Variants in NEGR1 observed in about 807,000 individuals in gnomAD.
NEGR1 encodes the protein neuronal growth regulator 1.
In NEGR1, 10 loss-of-function variants were observed where a neutral mutation model predicts 40.9. That is an observed-to-expected ratio of 0.24 (90% CI 0.15 to 0.42). The LOEUF is 0.42. NEGR1 is among the 10% of genes least tolerant of loss of function. NEGR1 has a pLI of 1.00. For synonymous variants in NEGR1, 185 were observed against 166.8 expected (o/e 1.11, Z -0.84); for missense variants, 352 against 438.9 (o/e 0.80, Z 1.77).
intron 4 of NEGR1, among the ~76,000 whole-genome samples, chr1:71,668,649 T>C (rs1299638898): frequency 6.6e-6 from 1 of 152,114 alleles, no homozygotes; most frequent in Non-Finnish European, 1.5e-5. Flanking sequence ...GTGCATCCTT[T>C]ACCTAGAGCC....
intron 1 of NEGR1, among the ~76,000 whole-genome samples, chr1:72,040,011 G>A (rs747286314): frequency 2.0e-5 from 3 of 152,014 alleles, no homozygotes; most frequent in East Asian, 1.9e-4. Context: ...TAAAAAATAC[G>A]TGTCTAATGT....
At chr1:71,520,512 C>T (rs1647148715) in intron 6 of NEGR1, among the ~76,000 whole-genome samples, 1 of 152,040 alleles carries the variant, frequency 6.6e-6, no homozygotes, top group Non-Finnish European at 1.5e-5. Flanking sequence ...TTCCCACTGG[C>T]AGGTTATGGA....
At chr1:72,153,401 T>C (rs916096026) in intron 1 of NEGR1, among the ~76,000 whole-genome samples, 2 of 152,070 alleles carry the variant, frequency 1.3e-5, no homozygotes, top group African/African-American at 4.8e-5. Context: ...GTTTCCAAAC[T>C]GTATCATGAT....
chr1:72,027,301 C>T (rs1436716444), intron 1 of NEGR1, among the ~76,000 whole-genome samples: 1 of 152,032 alleles, frequency 6.6e-6, no homozygotes. Context: ...TGTTTGGTCT[C>T]CCTCACTTGC....
At chr1:72,108,167 C>T (rs938989202) in intron 1 of NEGR1, among the ~76,000 whole-genome samples, 2 of 151,646 alleles carry the variant, frequency 1.3e-5, no homozygotes, top group South Asian at 2.1e-4. Flanking sequence ...TCACCTTGCA[C>T]TGTGCCCTCA....
chr1:71,424,597 T>G (rs1032445503), intron 6 of NEGR1, among the ~76,000 whole-genome samples: 1 of 152,196 alleles, frequency 6.6e-6, no homozygotes, highest in Non-Finnish European at 1.5e-5. Flanking sequence ...CCCAGTTACA[T>G]GAAGTCTTGT....
chr1:71,442,065 A>G (rs1186996346), intron 6 of NEGR1, among the ~76,000 whole-genome samples: 1 of 152,134 alleles, frequency 6.6e-6, no homozygotes, highest in African/African-American at 2.4e-5. Context: ...TACATCCTAT[A>G]AGAACCTGAA....
chr1:71,610,881 G>A (rs766660820), intron 5 of NEGR1, 145 bp downstream of exon 5: 42 of 701,210 alleles, frequency 6.0e-5, no homozygotes, highest in Middle Eastern at 3.1e-4. Context: ...TCCCTCCCAC[G>A]TGGGCCCCTT....
At chr1:71,663,556 A>T (rs1652140531) in intron 4 of NEGR1, among the ~76,000 whole-genome samples, 1 of 152,208 alleles carries the variant, frequency 6.6e-6, no homozygotes, top group Non-Finnish European at 1.5e-5. Context: ...GTCTACTGGA[A>T]TCCCATTGAA....
intron 1 of NEGR1, among the ~76,000 whole-genome samples, chr1:72,066,974 C>T (rs567969415): frequency 6.6e-6 from 1 of 152,028 alleles, no homozygotes; most frequent in South Asian, 2.1e-4. Flanking sequence ...AGTGCCCATT[C>T]ATTTTTTTTG....
chr1:71,697,799 G>T, intron 4 of NEGR1: 1 of 547,012 alleles, frequency 1.8e-6, no homozygotes, highest in Non-Finnish European at 3.2e-6. Context: ...CCATACATCA[G>T]ACTGAATTAT....
intron 2 of NEGR1, among the ~76,000 whole-genome samples, chr1:71,903,997 C>T (rs1661211384): frequency 6.6e-6 from 1 of 151,594 alleles, no homozygotes; most frequent in Admixed American, 6.6e-5. Flanking sequence ...ACTTTCTTTC[C>T]CCTATTTACA....
intron 2 of NEGR1, among the ~76,000 whole-genome samples, chr1:71,846,953 T>A (rs961258344): frequency 1.3e-5 from 2 of 152,192 alleles, no homozygotes; most frequent in Non-Finnish European, 2.9e-5. Flanking sequence ...GGACACAAAT[T>A]TTCAGACCAT....
At chr1:71,775,383 G>A (rs941134272) in intron 3 of NEGR1, among the ~76,000 whole-genome samples, 5 of 143,746 alleles carry the variant, frequency 3.5e-5, no homozygotes, top group Non-Finnish European at 7.5e-5. Context: ...GTCTTGCTCC[G>A]CACCCAGGCT....
At chr1:71,845,076 C>G (rs1160980495) in intron 2 of NEGR1, among the ~76,000 whole-genome samples, 1 of 152,130 alleles carries the variant, frequency 6.6e-6, no homozygotes, top group East Asian at 1.9e-4. Flanking sequence ...GGTTCTTTTT[C>G]AAACCAATCA....
At chr1:71,712,409 G>A (rs1178316210) in intron 3 of NEGR1, among the ~76,000 whole-genome samples, 1 of 152,112 alleles carries the variant, frequency 6.6e-6, no homozygotes, top group Admixed American at 6.5e-5. Flanking sequence ...CTATAAAGGT[G>A]ATGTGAATTA....
intron 1 of NEGR1, among the ~76,000 whole-genome samples, chr1:72,268,817 A>G (rs1225443902): frequency 6.6e-6 from 1 of 151,646 alleles, no homozygotes; most frequent in African/African-American, 2.4e-5. Flanking sequence ...ACAGACTAAT[A>G]TAAAATTGAT....
intron 4 of NEGR1, among the ~76,000 whole-genome samples, chr1:71,612,358 A>G (rs1650290679): frequency 6.6e-6 from 1 of 152,198 alleles, no homozygotes. Context: ...CAAGATCATT[A>G]CACAGTGCCT....
chr1:71,410,722 T>C (rs1246262298), intron 6 of NEGR1, among the ~76,000 whole-genome samples: 1 of 152,160 alleles, frequency 6.6e-6, no homozygotes, highest in Non-Finnish European at 1.5e-5. Context: ...GCATTTATTA[T>C]GTGTGGTTTG....
Sources: gnomAD v4.1 joint callset for allele counts (sites outside exome capture counted in the v4.1 genomes callset) on GRCh38, gnomAD v4.1.1 for gene constraint, MANE v1.5 for transcripts, NCBI Gene and HGNC (gene_info 2026-07-23, HGNC 2026-07-21) for gene names.